The following DCSTAMP variants were observed in gnomAD, a reference collection of about 807,000 sequenced individuals.
DCSTAMP encodes the protein dendrocyte expressed seven transmembrane protein.
DCSTAMP carries 25 observed loss-of-function variants against 33.8 expected under a neutral mutation model. The ratio of observed to expected loss-of-function variants is 0.74; its 90% CI spans 0.54 to 1.03. The LOEUF (loss-of-function observed/expected upper bound fraction) is 1.03, where lower values mean the gene tolerates loss of function less well. Among genes scored for constraint, DCSTAMP ranks in the 50% least tolerant of loss-of-function variants. The probability of loss-of-function intolerance (pLI) is 0.00; values close to 1 mark genes in which losing one functional copy is unlikely to be tolerated. For synonymous variants in DCSTAMP, 245 were observed against 216.7 expected, an observed-to-expected ratio of 1.13 and a Z score of -1.15; for missense variants, 531 against 556.8, an observed-to-expected ratio of 0.95 and a Z score of 0.47.
chr8:104,355,613 G>A (rs939655080), intron 3 of DCSTAMP, among the ~76,000 whole-genome samples: 1 of 150,286 alleles, frequency 6.7e-6, no homozygotes, highest in African/African-American at 2.5e-5. Context: ...TATAGAGAGA[G>A]GATATACAAA....
At chr8:104,355,245 G>A (rs2140479753) in intron 3 of DCSTAMP, 60 bp downstream of exon 3, 3 of 1,527,426 alleles carry the variant, frequency 2.0e-6, no homozygotes, top group East Asian at 4.5e-5. Flanking sequence ...GGAGGGAAAT[G>A]GGAAAGGGGA....
chr8:104,348,796 ATTC>A lies in DCSTAMP; in HGVS notation c.250_252del (p.Leu84del), dbSNP rs2140472836. 2 of 1,614,100 alleles carry A rather than the reference ATTC, an allele frequency of 1.2e-6. No individual in the cohort carries two copies. Among genetic ancestry groups the A allele is most frequent in the East Asian group, 2.2e-5 (1 of 44,876 alleles). ...TTGCTCCAAGCATGCACGATGTTTT[ATTC>A]TTCTTGTCTTTCTCTCTTGTGGCCT... On this transcript the variant is annotated inframe_deletion, in exon 2 of 4. Transcript: ENST00000297581.
chr8:104,348,968 C>T lies in DCSTAMP; in HGVS notation c.416C>T (p.Pro139Leu). Reference sequence around the variant, plus strand: ...GCAAAGAGCTTTTCCATACATTTTCCACTTTTGAAAAAATATATTGAGGCA... The same window carrying T: ...GCAAAGAGCTTTTCCATACATTTTCTACTTTTGAAAAAATATATTGAGGCA... The part of the protein sequence containing the change: ...LRAKSFSIHF[P>L]LLKKYIEAIQ... Residue 139 changes from proline to leucine, a missense_variant, in exon 2 of 4, where the codon CCA becomes CTA. Pro to Leu is a moderately conservative substitution (Grantham distance 98). Transcript: ENST00000297581. 1.2e-6 allele frequency: 2 copies of T among 1,614,210 alleles called. No individual in the cohort carries two copies. Among genetic ancestry groups the T allele is most frequent in the Non-Finnish European group, 1.7e-6 (2 of 1,180,046 alleles).
chr8:104,356,021 G>GT, intron 3 of DCSTAMP, 103 bp from the exon 4 acceptor site: 1 of 1,060,292 alleles, frequency 9.4e-7, no homozygotes. Flanking sequence ...GTCTTTTGCT[G>GT]TTTTTCCCAA....
At chr8:104,343,908 A>C (rs76165550) in intron 1 of DCSTAMP, among the ~76,000 whole-genome samples, 1 of 152,160 alleles carries the variant, frequency 6.6e-6, no homozygotes, top group African/African-American at 2.4e-5. Flanking sequence ...GTGAGAAATC[A>C]ATTTCTGCTG....
In DCSTAMP at chr8:104,355,096, A is replaced by G; in HGVS notation, c.1249A>G (p.Ile417Val). 1 of 1,614,158 alleles carries G rather than the reference A, an allele frequency of 6.2e-7. No homozygotes were observed. The highest frequency in any genetic ancestry group is 8.5e-7 in the Non-Finnish European group (1 of 1,180,028). The change falls in exon 3 of 4, where the codon ATC becomes GTC. Residue 417 changes from isoleucine to valine, a missense_variant. Physicochemically the swap from Ile to Val is conservative, Grantham distance 29. Transcript: ENST00000297581. ...CTACCCCAGCGTGGAGAGGAAGCGC[A>G]TCCAATATCTGCATGCAAAGCTGCT... Reference protein sequence around the residue: ...SFYPSVERKRIQYLHAKLLKK... With the variant: ...SFYPSVERKRVQYLHAKLLKK...
chr8:104,351,773 T>A (rs1307129321), intron 2 of DCSTAMP, among the ~76,000 whole-genome samples: 2 of 152,162 alleles, frequency 1.3e-5, no homozygotes, highest in African/African-American at 2.4e-5. Flanking sequence ...TAATGAGCAG[T>A]GAGGACAACT....
intron 1 of DCSTAMP, among the ~76,000 whole-genome samples, chr8:104,341,652 A>C (rs970441030): frequency 1.3e-5 from 2 of 152,256 alleles, no homozygotes; most frequent in Non-Finnish European, 2.9e-5. Context: ...CTCAAGCCAG[A>C]TGCACAGACT....
intron 2 of DCSTAMP, among the ~76,000 whole-genome samples, chr8:104,353,181 T>G (rs1810514362): frequency 6.6e-6 from 1 of 152,246 alleles, no homozygotes; most frequent in Non-Finnish European, 1.5e-5. Context: ...CATTAACTTT[T>G]CAGGACTGGC....
At chr8:104,352,931 G>C (rs543282087) in intron 2 of DCSTAMP, among the ~76,000 whole-genome samples, 1 of 152,222 alleles carries the variant, frequency 6.6e-6, no homozygotes, top group Non-Finnish European at 1.5e-5. Flanking sequence ...TGCCCTTGGG[G>C]GCTCCTTGTC....
In DCSTAMP at chr8:104,348,932, G is replaced by A; in HGVS notation, c.380G>A (p.Cys127Tyr). Residue 127 changes from cysteine to tyrosine, a missense_variant, in exon 2 of 4, where the codon TGC (cysteine) becomes TAC (tyrosine). Cys to Tyr is a radical substitution (Grantham distance 194). Coordinates refer to ENST00000297581, the MANE Select transcript of DCSTAMP (RefSeq NM_030788.4). ...AAAGGTCTCCTAGATGGTATGACTT[G>A]CAACCTAAGGGCAAAGAGCTTTTCC... The part of the protein sequence containing the change: ...NFKGLLDGMT[C>Y]NLRAKSFSIH... 6.2e-7 allele frequency: 1 copy of A among 1,614,222 alleles called. No homozygotes were observed. Among genetic ancestry groups the A allele is most frequent in the East Asian group, 2.2e-5 (1 of 44,888 alleles).
At chr8:104,346,173 G>T (rs376885293) in intron 1 of DCSTAMP, among the ~76,000 whole-genome samples, 1 of 152,236 alleles carries the variant, frequency 6.6e-6, no homozygotes, top group Non-Finnish European at 1.5e-5. Context: ...CTTGGGGCAC[G>T]GTTAGAGAGA....
chr8:104,355,971 A>C (rs1290358347), intron 3 of DCSTAMP, among the ~76,000 whole-genome samples, 153 bp from the exon 4 acceptor site: 1 of 152,242 alleles, frequency 6.6e-6, no homozygotes, highest in Non-Finnish European at 1.5e-5. Flanking sequence ...TAGACAATGG[A>C]AGACCAACAT....
chr8:104,348,469 C>A, intron 1 of DCSTAMP, 72 bp from the exon 2 acceptor site: 1 of 1,456,844 alleles, frequency 6.9e-7, no homozygotes, highest in Non-Finnish European at 9.2e-7. Context: ...GTCAGTCTAC[C>A]ACCATGGCCT....
chr8:104,349,029 T>C lies in DCSTAMP; in HGVS notation c.477T>C (p.Ser159=). The C allele has an allele frequency of 6.2e-7, 1 of 1,614,222 alleles. No individual in the cohort carries two copies. The highest frequency in any genetic ancestry group is 8.5e-7 in the Non-Finnish European group (1 of 1,180,046). The stretch of plus-strand genomic sequence containing the variant: ...TTTATGGCCTTGCCACTCCACTAAG[T>C]GTATTTGATGACCTTGTTTCTTGGA... The part of the protein sequence containing the change: ...QWIYGLATPL[S]VFDDLVSWNQ... The change falls in exon 2 of 4, where the codon AGT becomes AGC. Residue 159 remains serine (S), a synonymous_variant. Coordinates refer to ENST00000297581, the MANE Select transcript of DCSTAMP (RefSeq NM_030788.4).
intron 2 of DCSTAMP, 29 bp from the exon 3 acceptor site, chr8:104,354,848 A>G: frequency 1.4e-6 from 2 of 1,455,772 alleles, no homozygotes; most frequent in South Asian, 1.2e-5. Flanking sequence ...AATGGCATGC[A>G]TCATGATTAT....
rs1441432762 is a variant in DCSTAMP at position 104,352,238 on chromosome 8, T to C, written c.1030-2639T>C. Among the ~76,000 whole-genome samples, 7 of 152,332 alleles carry C rather than the reference T, an allele frequency of 4.6e-5. No individual in the cohort carries two copies. In the East Asian group the frequency reaches 1.3e-3, roughly 29 times the overall value. ...CTCTGGCTCAGCAGATCTAGTCCCA[T>C]GGCTCCTGCCCTCCTAAGCCTGGGC... On this transcript the variant is annotated intron_variant, in intron 2 of 3. Coordinates refer to ENST00000297581, the MANE Select transcript of DCSTAMP (RefSeq NM_030788.4).
chr8:104,348,357 T>C (rs138707568), intron 1 of DCSTAMP, among the ~76,000 whole-genome samples, 184 bp from the exon 2 acceptor site: 13 of 152,134 alleles, frequency 8.5e-5, no homozygotes, highest in Non-Finnish European at 1.3e-4. Flanking sequence ...GATGGAGGAA[T>C]AGACCTCAAC....
In DCSTAMP at chr8:104,349,285, A is replaced by G. The variant is rs766882223; in HGVS notation, c.733A>G (p.Ile245Val). The G allele has an allele frequency of 5.0e-6, 8 of 1,614,232 alleles. No homozygotes were observed. The highest frequency in any genetic ancestry group is 1.6e-4 in the Middle Eastern group (1 of 6,062). The part of the protein sequence containing the change: ...LGPCGWKYEN[I>V]YITRQFVQFD... ...CCCTTGTGGTTGGAAGTATGAAAAC[A>G]TCTACATCACCAGACAATTTGTTCA... The change falls in exon 2 of 4, where the codon ATC (isoleucine) becomes GTC (valine). Residue 245 changes from isoleucine (I) to valine (V), a missense_variant. By Grantham distance (29) the Ile-to-Val change is conservative. Transcript: ENST00000297581.
Sources: allele counts gnomAD v4.1 joint callset (sites outside exome capture counted in the v4.1 genomes callset), GRCh38; gene constraint gnomAD v4.1.1; transcripts MANE v1.5; gene names NCBI Gene and HGNC (gene_info 2026-07-23, HGNC 2026-07-21).